Variants in PNLDC1 observed in about 807,000 individuals in gnomAD.
The protein encoded by PNLDC1 is PARN like ribonuclease domain containing exonuclease 1, also known as poly(A)-specific ribonuclease PNLDC1.
In PNLDC1, 70 loss-of-function variants were observed where a neutral mutation model predicts 82.0. That is an observed-to-expected ratio of 0.85 (90% confidence interval 0.70 to 1.04). The LOEUF (loss-of-function observed/expected upper bound fraction) is 1.04, where lower values mean the gene tolerates loss of function less well. Among genes scored for constraint, PNLDC1 ranks in the 50% least tolerant of loss-of-function variants. The pLI is 0.00. For synonymous variants in PNLDC1, 280 were observed against 249.3 expected (o/e 1.12, Z -1.16); for missense variants, 631 against 661.1 (o/e 0.95, Z 0.50).
In PNLDC1 at chr6:159,800,299, T is replaced by C. The variant is rs752641415; in HGVS notation, c.-9T>C. ...ATAGCGCTGGGCGACTCCGCGGAGCTGCACGGCCATGGACGTGGGCGCCGA... is the reference window on the plus strand; with the variant it reads ...ATAGCGCTGGGCGACTCCGCGGAGCCGCACGGCCATGGACGTGGGCGCCGA... On this transcript the variant is annotated 5_prime_UTR_variant, in exon 1 of 19. Coordinates refer to ENST00000392167, the MANE Select transcript of PNLDC1 (RefSeq NM_001271862.2). 10 of 1,545,426 alleles carry C rather than the reference T, an allele frequency of 6.5e-6. No homozygotes were observed. The highest frequency in any genetic ancestry group is 8.7e-6 in the Non-Finnish European group (10 of 1,144,552).
At position 159,803,928 on chromosome 6, in the gene PNLDC1, G is replaced by T; in HGVS notation, c.249-37G>T. 2.5e-6 allele frequency: 4 copies of T among 1,589,382 alleles called. No individual in the cohort carries two copies. The South Asian group carries it at 4.6e-5, about 18-fold the overall frequency. On this transcript the variant is annotated intron_variant, in intron 4 of 18. Transcript: ENST00000392167. ...CCTGGGAGCCAGAGTTTTTTAAATG[G>T]TTGTGGCTTTTTCTCTGTATGTTTG...
At chr6:159,802,423 G>A (rs1006094372) in intron 3 of PNLDC1, among the ~76,000 whole-genome samples, 1 of 151,930 alleles carries the variant, frequency 6.6e-6, no homozygotes, top group African/African-American at 2.4e-5. Flanking sequence ...CTTTTACTAT[G>A]AATGATGCTG....
At chr6:159,811,060 C>T (rs960443567) in intron 10 of PNLDC1, among the ~76,000 whole-genome samples, 4 of 152,110 alleles carry the variant, frequency 2.6e-5, no homozygotes, top group Admixed American at 2.6e-4. Context: ...ACCCTCTCAG[C>T]CGGTGGGAGG....
rs1562501414 is a variant in PNLDC1 at position 159,810,095 on chromosome 6, G to GGT, written c.853+1_853+2dup. 6.2e-7 allele frequency: 1 copy of GGT among 1,613,088 alleles called. No individual in the cohort carries two copies. Among genetic ancestry groups the GGT allele is most frequent in the African/African-American group, 1.3e-5 (1 of 74,908 alleles). On this transcript the variant is annotated frameshift_variant and splice_region_variant. Coordinates refer to ENST00000392167, the MANE Select transcript of PNLDC1 (RefSeq NM_001271862.2). LOFTEE classifies it high-confidence loss of function. ...TGAGAAGTTCTTCAGACCCCTCCCA[G>GGT]GTAGGGGCAAACCTGTCATTTCTCT...
At chr6:159,815,924 T>TACTTTCAGC (rs1781797771) in intron 12 of PNLDC1, 45 bp from the exon 13 acceptor site, 1 of 1,473,690 alleles carries the variant, frequency 6.8e-7, no homozygotes, top group African/African-American at 1.4e-5. Context: ...AAGAAGGGAT[T>TACTTTCAGC]ACTTTCAGCA....
At position 159,819,259 on chromosome 6, in the gene PNLDC1, G is replaced by C. The variant is rs150098132; in HGVS notation, c.1439G>C (p.Arg480Pro). The C allele has an allele frequency of 1.2e-6, 2 of 1,613,654 alleles. No individual in the cohort carries two copies. The highest frequency in any genetic ancestry group is 2.7e-5 in the African/African-American group (2 of 74,870). ...LLLTNKFKDA[R>P]NILKEYRDHP... ...CAGCAAACTTGTTTTGGCAGTGCGC[G>C]GAACATCCTGAAGGAGTACCGGGAC... is the stretch of plus-strand genomic sequence containing the variant. The change falls in exon 18 of 19, where the codon CGG (arginine) becomes CCG (proline). Residue 480 changes from arginine (R) to proline (P), a missense_variant. By Grantham distance (103) the Arg-to-Pro change is moderately radical (BLOSUM62 -2). Coordinates refer to ENST00000392167, the MANE Select transcript of PNLDC1 (RefSeq NM_001271862.2). The surrounding 1 kb of genome is among the most constrained non-coding windows in gnomAD (Gnocchi z 4.6).
chr6:159,816,196 C>T (rs1249005809), intron 13 of PNLDC1, among the ~76,000 whole-genome samples, 163 bp downstream of exon 13: 1 of 142,814 alleles, frequency 7.0e-6, no homozygotes, highest in Non-Finnish European at 1.5e-5. Context: ...TCTCCCCCTG[C>T]CCCGCCCCAG....
rs767824380 is a variant in PNLDC1, at chr6:159,806,026, A to G, written c.505A>G (p.Thr169Ala). 6.2e-7 allele frequency: 1 copy of G among 1,614,062 alleles called. No homozygotes were observed. The highest frequency in any genetic ancestry group is 8.5e-7 in the Non-Finnish European group (1 of 1,180,028). The change falls in exon 7 of 19, where the codon ACG (threonine) becomes GCG (alanine). Residue 169 changes from threonine to alanine, a missense_variant. Transcript: ENST00000392167. ...AATCAAGGTGGTGATTGACGAAGTG[A>G]CGCGGTGGCTGGAGCTGGCCAAGGA... is the stretch of plus-strand genomic sequence containing the variant. ...DQIKVVIDEV[T>A]RWLELAKEGD...
Position 159,800,973 on chromosome 6 carries a change from A to G in PNLDC1, c.135-140A>G. 3.5e-6 allele frequency: 5 copies of G among 1,445,480 alleles called. No individual in the cohort carries two copies. The South Asian group carries it at 5.8e-5, about 17-fold the overall frequency. The allele number at this position is 1,445,480 out of a possible 1,614,324, so 89.5% of individuals were successfully genotyped here. On this transcript the variant is annotated intron_variant, in intron 2 of 18. Coordinates refer to ENST00000392167, the MANE Select transcript of PNLDC1 (RefSeq NM_001271862.2). ...TGGAGGACCTTGCTTTTTTCTGTCC[A>G]CTAAATGATGGTAGTGCTCCCTAGT...
rs781758507 is a variant in PNLDC1, at chr6:159,818,933, G to C, written c.1258-13G>C. The C allele has an allele frequency of 1.9e-6, 3 of 1,612,558 alleles. No homozygotes were observed. The East Asian group carries it at 6.7e-5, about 36-fold the overall frequency. On this transcript the variant is annotated splice_polypyrimidine_tract_variant and intron_variant, in intron 16 of 18. Coordinates refer to ENST00000392167, the MANE Select transcript of PNLDC1 (RefSeq NM_001271862.2). ...AACTGTGGAAAATCTCTTGTGTTCT[G>C]CATGTTTTCTAGAATTTTTCTGGTC...
chr6:159,818,840 T>G (rs893844055), intron 16 of PNLDC1, 106 bp from the exon 17 acceptor site: 3 of 1,364,562 alleles, frequency 2.2e-6, no homozygotes, highest in Admixed American at 2.0e-5. Context: ...TCTCTTCCCC[T>G]CCCTGCCCCA....
At chr6:159,803,721 C>T (rs111591344) in intron 4 of PNLDC1, among the ~76,000 whole-genome samples, 3,333 of 152,254 alleles carry the variant, frequency 0.022, 133 homozygotes, top group African/African-American at 0.076. Flanking sequence ...ACGCCCTAAC[C>T]TGGCATCCCT....
chr6:159,813,155 CTG>C (rs1781698073), intron 11 of PNLDC1, among the ~76,000 whole-genome samples: 1 of 152,146 alleles, frequency 6.6e-6, no homozygotes, highest in Admixed American at 6.5e-5. Context: ...GGTCTGTGGT[CTG>C]TCTTTGCCCA....
chr6:159,819,963 C>T lies in PNLDC1; in HGVS notation c.1533-491C>T, dbSNP rs184251650. On this transcript the variant is annotated intron_variant, in intron 18 of 18. Transcript: ENST00000392167. This position sits in a 1 kb window ranked among gnomAD's most constrained non-coding sequence, Gnocchi z 4.6. ...AGTTACAGCAAGAAGGTCTATAACC[C>T]GACTCAGGTTGTCTTCCGTGTTGGG... Among the ~76,000 whole-genome samples the T allele has an allele frequency of 9.2e-5, 14 of 152,234 alleles. No homozygotes were observed. Among genetic ancestry groups the T allele is most frequent in the African/African-American group, 2.6e-4 (11 of 41,550 alleles).
chr6:159,816,780 A>C (rs1359617366), intron 14 of PNLDC1, among the ~76,000 whole-genome samples, 184 bp downstream of exon 14: 4 of 151,994 alleles, frequency 2.6e-5, no homozygotes, highest in African/African-American at 9.7e-5. Context: ...CTACAGGTGC[A>C]TGCCACCATG....
chr6:159,800,968 T>C, intron 2 of PNLDC1, 139 bp downstream of exon 2: 1 of 1,289,226 alleles, frequency 7.8e-7, no homozygotes, highest in Non-Finnish European at 1.1e-6. Flanking sequence ...TGCTTTTTTC[T>C]GTCCACTAAA....
At chr6:159,807,203 T>C (rs1322998029) in intron 7 of PNLDC1, among the ~76,000 whole-genome samples, 2 of 152,172 alleles carry the variant, frequency 1.3e-5, no homozygotes, top group East Asian at 3.8e-4. Context: ...CCATGAAATA[T>C]CATTTTTACT....
intron 11 of PNLDC1, among the ~76,000 whole-genome samples, chr6:159,812,922 C>T (rs980494578): frequency 1.3e-5 from 2 of 152,058 alleles, no homozygotes; most frequent in African/African-American, 4.8e-5. Flanking sequence ...ACTTGGGAGG[C>T]GTAAGTGGGA....
At chr6:159,820,234 C>T (rs928100759) in intron 18 of PNLDC1, among the ~76,000 whole-genome samples, 1 of 152,222 alleles carries the variant, frequency 6.6e-6, no homozygotes, top group Admixed American at 6.5e-5. Flanking sequence ...TGAGGAAGCA[C>T]AGTGAGCTCC....
Sources: allele counts gnomAD v4.1 joint callset (sites outside exome capture counted in the v4.1 genomes callset), GRCh38; gene constraint gnomAD v4.1.1; non-coding constraint Gnocchi (gnomAD v3.1); transcripts MANE v1.5; gene names NCBI Gene and HGNC (gene_info 2026-07-23, HGNC 2026-07-21).